CHODL: variants seen among roughly 807,000 people sequenced by gnomAD.
CHODL encodes transmembrane protein MT75.
A neutral mutation model predicts 34.5 loss-of-function variants in CHODL; 29 were observed. The ratio of observed to expected loss-of-function variants is 0.84; its 90% CI spans 0.63 to 1.15. The LOEUF is 1.15. Ranked by LOEUF, CHODL falls within the 50% of genes most tolerant of loss-of-function variation. CHODL has a pLI of 0.00. For missense variants in CHODL, 332 were observed against 332.5 expected, an observed-to-expected ratio of 1.00 and a Z score of 0.01; for synonymous variants, 125 against 116.1, an observed-to-expected ratio of 1.08 and a Z score of -0.49.
At chr21:18,124,141 T>C (rs920018105) in intron 2 of CHODL, among the ~76,000 whole-genome samples, 3 of 152,214 alleles carry the variant, frequency 2.0e-5, no homozygotes, top group Non-Finnish European at 4.4e-5. Context: ...ACTCTATTCA[T>C]GAATGACCTT....
chr21:18,190,894 T>C (rs938777431), intron 2 of CHODL, among the ~76,000 whole-genome samples: 1 of 152,170 alleles, frequency 6.6e-6, no homozygotes, highest in Non-Finnish European at 1.5e-5. Context: ...TACTTGATAT[T>C]CGTGAAGTCC....
intron 5 of CHODL, 142 bp from the exon 6 acceptor site, chr21:18,265,812 G>A (rs988436797): frequency 9.9e-6 from 6 of 603,038 alleles, no homozygotes; most frequent in Non-Finnish European, 1.7e-5. Flanking sequence ...TAATCTAGAA[G>A]TTTTTGGAAG....
chr21:17,942,201 G>T (rs973376582), intron 1 of CHODL, among the ~76,000 whole-genome samples: 4 of 152,176 alleles, frequency 2.6e-5, no homozygotes, highest in African/African-American at 7.2e-5. Context: ...ATGGGCAAAA[G>T]AAGTGATGTT....
In CHODL at chr21:18,256,779, A is replaced by T; in HGVS notation, c.350A>T (p.Asp117Val). 1 of 1,614,122 alleles carries T rather than the reference A, an allele frequency of 6.2e-7. No individual in the cohort carries two copies. Among genetic ancestry groups the T allele is most frequent in the Admixed American group, 1.7e-5 (1 of 60,018 alleles). Residue 117 changes from aspartate to valine, a missense_variant, in exon 2 of 6, where the codon GAT becomes GTT. By Grantham distance (152) the Asp-to-Val change is radical. Coordinates refer to ENST00000299295, the MANE Select transcript of CHODL (RefSeq NM_024944.3). ...GDGQTSGACP[D>V]LYQWSDGSNS... Reference sequence around the variant, plus strand: ...GGGCAAACATCTGGTGCCTGCCCAGATCTCTACCAGTGGTCTGATGGAAGC... The same window carrying T: ...GGGCAAACATCTGGTGCCTGCCCAGTTCTCTACCAGTGGTCTGATGGAAGC...
chr21:18,189,368 T>G (rs1186340825), intron 2 of CHODL, among the ~76,000 whole-genome samples: 1 of 152,208 alleles, frequency 6.6e-6, no homozygotes, highest in African/African-American at 2.4e-5. Context: ...GAATTGTGTA[T>G]GCCATATGTT....
intron 1 of CHODL, among the ~76,000 whole-genome samples, chr21:17,965,896 T>C (rs1313653945): frequency 7.1e-6 from 1 of 141,004 alleles, no homozygotes; most frequent in Non-Finnish European, 1.5e-5. Flanking sequence ...TATAAATACC[T>C]ATCAAGAGAA....
chr21:18,098,448 A>T (rs1308046586), intron 2 of CHODL, among the ~76,000 whole-genome samples: 1 of 152,136 alleles, frequency 6.6e-6, no homozygotes. Context: ...GCAAACAGGC[A>T]TGTAAAAAAG....
chr21:18,104,933 G>C (rs941161566), intron 2 of CHODL, among the ~76,000 whole-genome samples: 1 of 152,186 alleles, frequency 6.6e-6, no homozygotes, highest in Non-Finnish European at 1.5e-5. Context: ...TAATTGATGT[G>C]TTCTCTAGAA....
intron 1 of CHODL, among the ~76,000 whole-genome samples, chr21:17,946,622 A>T (rs563327060): frequency 6.6e-6 from 1 of 151,834 alleles, no homozygotes; most frequent in Non-Finnish European, 1.5e-5. Flanking sequence ...TGATGGTTAT[A>T]TTCTTTTACT....
chr21:18,206,802 A>C (rs567987559), intron 2 of CHODL, among the ~76,000 whole-genome samples: 1 of 150,338 alleles, frequency 6.7e-6, no homozygotes, highest in Non-Finnish European at 1.5e-5. Context: ...TTTTTTGTCT[A>C]TACATTGTAT....
At chr21:18,165,793 C>T (rs538976432) in intron 2 of CHODL, among the ~76,000 whole-genome samples, 192 of 152,216 alleles carry the variant, frequency 1.3e-3, no homozygotes, top group Non-Finnish European at 1.9e-3. Context: ...TGACAAAGTC[C>T]TAGACAAGTG....
chr21:18,049,008 T>A (rs970285600), intron 2 of CHODL, among the ~76,000 whole-genome samples: 1 of 151,960 alleles, frequency 6.6e-6, no homozygotes, highest in Non-Finnish European at 1.5e-5. Context: ...TCATTTTAAA[T>A]TTGTAAATTG....
chr21:17,975,325 CTACT>C (rs1229483071), intron 1 of CHODL, among the ~76,000 whole-genome samples: 1 of 152,118 alleles, frequency 6.6e-6, no homozygotes, highest in Non-Finnish European at 1.5e-5. Context: ...GATTGAAAAA[CTACT>C]TATCGAGTAG....
intron 2 of CHODL, among the ~76,000 whole-genome samples, chr21:18,058,039 AT>A (rs1351074857): frequency 6.6e-6 from 1 of 152,118 alleles, no homozygotes; most frequent in Non-Finnish European, 1.5e-5. Flanking sequence ...AACTATAGTC[AT>A]CCTACAGTTC....
At chr21:18,009,415 C>G (rs2063990636) in intron 1 of CHODL, among the ~76,000 whole-genome samples, 1 of 151,950 alleles carries the variant, frequency 6.6e-6, no homozygotes, top group Non-Finnish European at 1.5e-5. Context: ...TAATATATGC[C>G]TAGTGAGCAC....
chr21:18,156,044 T>A (rs1356673578), intron 2 of CHODL, among the ~76,000 whole-genome samples: 1 of 152,156 alleles, frequency 6.6e-6, no homozygotes, highest in Non-Finnish European at 1.5e-5. Flanking sequence ...TCAACAGCAA[T>A]GGGAAATTCT....
chr21:18,123,392 G>A (rs1405884644), intron 2 of CHODL, among the ~76,000 whole-genome samples: 1 of 152,166 alleles, frequency 6.6e-6, no homozygotes, highest in Admixed American at 6.5e-5. Context: ...TTATTCCTAA[G>A]TAGTAGGTTT....
At chr21:17,961,224 C>T (rs1024029142) in intron 1 of CHODL, among the ~76,000 whole-genome samples, 19 of 152,178 alleles carry the variant, frequency 1.2e-4, no homozygotes, top group African/African-American at 4.3e-4. Flanking sequence ...AGCATGTTCT[C>T]TTACCTCTTC....
chr21:18,049,400 A>G (rs2064485423), intron 2 of CHODL, among the ~76,000 whole-genome samples: 1 of 152,006 alleles, frequency 6.6e-6, no homozygotes, highest in Admixed American at 6.6e-5. Flanking sequence ...ACTGTTTCAT[A>G]ATTATGAATT....
Sources: gnomAD v4.1 joint callset for allele counts (sites outside exome capture counted in the v4.1 genomes callset) on GRCh38, gnomAD v4.1.1 for gene constraint, MANE v1.5 for transcripts, NCBI Gene and HGNC (gene_info 2026-07-23, HGNC 2026-07-21) for gene names.